ARVCF: variants seen among roughly 807,000 people sequenced by gnomAD.
The protein encoded by ARVCF is ARVCF delta catenin family member.
ARVCF carries 66 observed loss-of-function variants against 90.9 expected under a neutral mutation model. That is an observed-to-expected ratio of 0.73 (90% CI 0.60 to 0.89). The LOEUF (loss-of-function observed/expected upper bound fraction) is 0.89, where lower values mean the gene tolerates loss of function less well. Among genes scored for constraint, ARVCF ranks in the 40% least tolerant of loss-of-function variants. ARVCF has a pLI of 0.00. For synonymous variants in ARVCF, 653 were observed against 603.4 expected, an observed-to-expected ratio of 1.08 and a Z score of -1.21; for missense variants, 1,469 against 1,382.3, an observed-to-expected ratio of 1.06 and a Z score of -1.00.
intron 2 of ARVCF, among the ~76,000 whole-genome samples, chr22:19,997,726 T>C (rs1944303486): frequency 6.6e-6 from 1 of 152,170 alleles, no homozygotes; most frequent in Admixed American, 6.5e-5. Context: ...GCCAGTGCAG[T>C]GTCTTCTCCC....
rs1397138940 is a variant in ARVCF at position 19,982,026 on chromosome 22, C to T, written c.276G>A (p.Glu92=). The change falls in exon 4 of 20, where the codon GAG becomes GAA. Residue 92 remains glutamate (E), a synonymous_variant. Coordinates refer to ENST00000263207, the MANE Select transcript of ARVCF (RefSeq NM_001670.3). ...CGGGGTCCTCCTCCACCGTCACGGTCTCCTCCAGCACATCAGGTGCCTCCG... is the reference window on the plus strand; with the variant it reads ...CGGGGTCCTCCTCCACCGTCACGGTTTCCTCCAGCACATCAGGTGCCTCCG... ...TMPEAPDVLE[E]TVTVEEDPGT... The T allele has an allele frequency of 1.2e-6, 2 of 1,613,018 alleles. No homozygotes were observed. Among genetic ancestry groups the T allele is most frequent in the Admixed American group, 3.3e-5 (2 of 60,018 alleles).
chr22:19,982,807 C>A (rs1442318123), intron 3 of ARVCF, among the ~76,000 whole-genome samples: 1 of 152,342 alleles, frequency 6.6e-6, no homozygotes, highest in Middle Eastern at 3.4e-3. Flanking sequence ...GGCTGGCGCC[C>A]CCAGTGACTG....
chr22:19,973,529 G>T, intron 13 of ARVCF, 114 bp downstream of exon 13: 1 of 1,483,842 alleles, frequency 6.7e-7, no homozygotes. Context: ...GCGCCCAAGC[G>T]AGAGGGCCGG....
intron 11 of ARVCF, 176 bp from the exon 12 acceptor site, chr22:19,974,415 T>C: frequency 2.6e-6 from 2 of 764,760 alleles, no homozygotes; most frequent in Non-Finnish European, 3.7e-6. Context: ...GGAAAAGCGT[T>C]CCCATTTCAC....
intron 3 of ARVCF, among the ~76,000 whole-genome samples, chr22:19,984,029 T>C (rs758374): frequency 0.27 from 41,012 of 152,078 alleles, 5,934 homozygotes; most frequent in South Asian, 0.37. Context: ...TGCTGGGCCC[T>C]GGGCGGGGCT....
intron 2 of ARVCF, among the ~76,000 whole-genome samples, chr22:19,997,720 G>A (rs753075164): frequency 3.3e-5 from 5 of 152,208 alleles, no homozygotes; most frequent in Admixed American, 6.5e-5. Flanking sequence ...GAGGCTGCCA[G>A]TGCAGTGTCT....
intron 2 of ARVCF, among the ~76,000 whole-genome samples, chr22:19,994,076 C>G (rs201966855): frequency 1.3e-5 from 2 of 151,604 alleles, no homozygotes; most frequent in African/African-American, 4.9e-5. Context: ...GGAGAGACAG[C>G]GAAGGATGGA....
At position 19,990,648 on chromosome 22, in the gene ARVCF, C is replaced by T. The variant is rs2146380262; in HGVS notation, c.147G>A (p.Met49Ile). 6.2e-7 allele frequency: 1 copy of T among 1,609,382 alleles called. No individual in the cohort carries two copies. Among genetic ancestry groups the T allele is most frequent in the Non-Finnish European group, 8.5e-7 (1 of 1,178,632 alleles). The change falls in exon 3 of 20, where the codon ATG becomes ATA. Residue 49 changes from methionine (M) to isoleucine (I), a missense_variant. By Grantham distance (10) the Met-to-Ile change is conservative. Transcript: ENST00000263207. Reference sequence around the variant, plus strand: ...GCCCACTGCCCATGCCACCACTGACCATGCCAGGCTGCTGGGCACGCTCCA... The same window carrying T: ...GCCCACTGCCCATGCCACCACTGACTATGCCAGGCTGCTGGGCACGCTCCA... ...LQLERAQQPG[M>I]VSGGMGSGQP...
intron 18 of ARVCF, 144 bp from the exon 19 acceptor site, chr22:19,971,479 G>T: frequency 9.5e-7 from 1 of 1,051,696 alleles, no homozygotes; most frequent in Non-Finnish European, 1.3e-6. Flanking sequence ...GGCGCAGGGA[G>T]CCGGAAACGT....
intron 3 of ARVCF, chr22:19,987,115 C>A (rs1002345919): frequency 1.8e-6 from 1 of 541,786 alleles, no homozygotes; most frequent in Non-Finnish European, 3.4e-6. Context: ...TCGGGGGGCG[C>A]TGGCCAGCAG....
chr22:20,003,747 A>G (rs1944523277), intron 2 of ARVCF, among the ~76,000 whole-genome samples: 1 of 152,230 alleles, frequency 6.6e-6, no homozygotes, highest in South Asian at 2.1e-4. Context: ...TATATGTGAA[A>G]AGCCCATAAC....
chr22:19,987,638 T>G (rs1298653651), intron 3 of ARVCF, among the ~76,000 whole-genome samples: 1 of 152,002 alleles, frequency 6.6e-6, no homozygotes, highest in Non-Finnish European at 1.5e-5. Context: ...CAGTTTCACC[T>G]GCCATGAAAT....
chr22:19,971,476 G>A, intron 18 of ARVCF, 141 bp from the exon 19 acceptor site: 1 of 1,089,246 alleles, frequency 9.2e-7, no homozygotes, highest in Non-Finnish European at 1.3e-6. Flanking sequence ...AAGGGCGCAG[G>A]GAGCCGGAAA....
intron 1 of ARVCF, among the ~76,000 whole-genome samples, chr22:20,010,975 C>A (rs780946294): frequency 6.6e-6 from 1 of 152,246 alleles, no homozygotes. Flanking sequence ...CTGAGGCCAA[C>A]ATAGATCCTG....
In ARVCF at chr22:19,980,094, C is replaced by T. The variant is rs371573731; in HGVS notation, c.1045G>A (p.Ala349Thr). The T allele has an allele frequency of 5.0e-5, 80 of 1,584,186 alleles. No individual in the cohort carries two copies. Among genetic ancestry groups the T allele is most frequent in the African/African-American group, 1.6e-4 (12 of 74,422 alleles). The change falls in exon 6 of 20, where the codon GCC becomes ACC. Residue 349 changes from alanine (A) to threonine (T), a missense_variant. Physicochemically the swap from Ala to Thr is moderately conservative, Grantham distance 58. Coordinates refer to ENST00000263207, the MANE Select transcript of ARVCF (RefSeq NM_001670.3). ...TCCCGCCAGCGCGGCTCCTTGCGGG[C>T]GCTATCCACTGAGGGCGAGCGCCGC... ...LVRRSPSVDS[A>T]RKEPRWRDPE...
intron 3 of ARVCF, among the ~76,000 whole-genome samples, chr22:19,985,586 G>A (rs1218557637): frequency 6.6e-6 from 1 of 152,232 alleles, no homozygotes; most frequent in Admixed American, 6.5e-5. Flanking sequence ...TCTCACTTTT[G>A]TGGCAAAATG....
Position 20,006,302 on chromosome 22 carries a change from G to C in ARVCF, c.-19+4153C>G, listed in dbSNP as rs371631548. Reference sequence around the variant, plus strand: ...ATTAAAAAAGAGGCTCCCTGGCCAGGCGTGGTGGCTCACGCCTGTAATCTC... The same window carrying C: ...ATTAAAAAAGAGGCTCCCTGGCCAGCCGTGGTGGCTCACGCCTGTAATCTC... On this transcript the variant is annotated intron_variant, in intron 2 of 19. Transcript: ENST00000263207. 1.6e-4 allele frequency among the ~76,000 whole-genome samples: 24 copies of C among 150,226 alleles called. No homozygotes were observed. In the East Asian group the frequency reaches 3.0e-3, roughly 19 times the overall value.
intron 5 of ARVCF, chr22:19,980,581 C>A (rs1268879783): frequency 3.2e-5 from 9 of 280,232 alleles, no homozygotes. Flanking sequence ...CTGGAGAGAC[C>A]GTCTCACCTC....
downstream of ARVCF, chr22:19,968,597 C>T (rs749437638): frequency 1.2e-5 from 20 of 1,613,946 alleles, no homozygotes; most frequent in Admixed American, 8.3e-5. Context: ...TGCCCAGGTG[C>T]GCCAGACTTC....
Sources: allele counts gnomAD v4.1 joint callset (sites outside exome capture counted in the v4.1 genomes callset), GRCh38; gene constraint gnomAD v4.1.1; transcripts MANE v1.5; gene names NCBI Gene and HGNC (gene_info 2026-07-23, HGNC 2026-07-21).